The following MARCHF1 variants were observed in gnomAD, a reference collection of about 807,000 sequenced individuals.
MARCHF1 encodes membrane associated ring-CH-type finger 1, also known as E3 ubiquitin-protein ligase MARCHF1.
MARCHF1 carries 40 observed loss-of-function variants against 54.2 expected under a neutral mutation model. That is an observed-to-expected ratio of 0.74 (90% CI 0.57 to 0.96). The LOEUF (loss-of-function observed/expected upper bound fraction) is 0.96, where lower values mean the gene tolerates loss of function less well. MARCHF1 is among the 40% of genes least tolerant of loss of function. The pLI is 0.00. For missense variants in MARCHF1, 586 were observed against 656.5 expected (o/e 0.89, Z 1.17); for synonymous variants, 236 against 236.3 (o/e 1.00, Z 0.01).
At chr4:163,691,466 G>T (rs1013645078) in intron 5 of MARCHF1, among the ~76,000 whole-genome samples, 2 of 152,136 alleles carry the variant, frequency 1.3e-5, no homozygotes, top group Non-Finnish European at 2.9e-5. Context: ...GGCTGTAAGT[G>T]GAGAAATATA....
intron 2 of MARCHF1, among the ~76,000 whole-genome samples, chr4:164,077,090 G>C (rs1256778642): frequency 6.6e-6 from 1 of 152,068 alleles, no homozygotes; most frequent in Admixed American, 6.6e-5. Flanking sequence ...TAAGGAAAAA[G>C]AACAAAGCTG....
At chr4:164,003,038 G>A (rs543965198) in intron 2 of MARCHF1, among the ~76,000 whole-genome samples, 3 of 151,940 alleles carry the variant, frequency 2.0e-5, no homozygotes, top group African/African-American at 7.2e-5. Flanking sequence ...TATTCAGGCA[G>A]AAGGAAAGAA....
chr4:163,765,642 G>T (rs1039321875), intron 4 of MARCHF1, among the ~76,000 whole-genome samples: 1 of 151,760 alleles, frequency 6.6e-6, no homozygotes, highest in Admixed American at 6.6e-5. Context: ...TACGTATGTA[G>T]ACCTTATTTT....
chr4:163,744,158 A>G (rs1023944517), intron 4 of MARCHF1, among the ~76,000 whole-genome samples: 1 of 152,208 alleles, frequency 6.6e-6, no homozygotes, highest in Non-Finnish European at 1.5e-5. Flanking sequence ...TGATCAATTT[A>G]TTACTGTGTG....
At chr4:163,721,262 T>A (rs184969746) in intron 4 of MARCHF1, among the ~76,000 whole-genome samples, 21 of 152,300 alleles carry the variant, frequency 1.4e-4, no homozygotes, top group African/African-American at 5.1e-4. Flanking sequence ...TTGTCAAAGG[T>A]CTTCTCTGCA....
At chr4:163,666,953 T>C (rs946971206) in intron 5 of MARCHF1, among the ~76,000 whole-genome samples, 12 of 152,130 alleles carry the variant, frequency 7.9e-5, no homozygotes, top group African/African-American at 2.7e-4. Flanking sequence ...TAATCTTCTA[T>C]CTATACCCTG....
In MARCHF1 at chr4:163,632,654, G is replaced by A. The variant is rs535234606; in HGVS notation, c.163-19261C>T. Among the ~76,000 whole-genome samples the A allele has an allele frequency of 1.2e-4, 19 of 152,350 alleles. No individual in the cohort carries two copies. The South Asian group carries it at 1.7e-3, about 13-fold the overall frequency. On this transcript the variant is annotated intron_variant, in intron 5 of 9. Transcript: ENST00000514618. ...CAGTCTGAGATCAAACTGCAAGGCG[G>A]CAGCGAGGCTGGGGGAGGGGCGCCC...
intron 2 of MARCHF1, among the ~76,000 whole-genome samples, chr4:164,026,665 G>A (rs1753774353): frequency 6.6e-6 from 1 of 152,046 alleles, no homozygotes; most frequent in Non-Finnish European, 1.5e-5. Flanking sequence ...CATTCTCCTT[G>A]AAAACTGGAA....
chr4:164,139,721 C>CT (rs1756481123), intron 1 of MARCHF1, among the ~76,000 whole-genome samples: 1 of 152,040 alleles, frequency 6.6e-6, no homozygotes, highest in African/African-American at 2.4e-5. Context: ...TTCGAAGATA[C>CT]TTTAAGCGGA....
At chr4:164,286,728 T>C (rs1187117298) in intron 1 of MARCHF1, among the ~76,000 whole-genome samples, 1 of 149,090 alleles carries the variant, frequency 6.7e-6, no homozygotes, top group Admixed American at 6.7e-5. Flanking sequence ...TTTATATTTT[T>C]ATATAATAAA....
intron 3 of MARCHF1, among the ~76,000 whole-genome samples, chr4:163,920,198 G>A (rs755043393): frequency 5.9e-5 from 9 of 152,180 alleles, no homozygotes; most frequent in Non-Finnish European, 1.2e-4. Flanking sequence ...AGTTAGAAAT[G>A]ATCTGAGGTC....
At chr4:164,264,124 A>T (rs1193798783) in intron 1 of MARCHF1, among the ~76,000 whole-genome samples, 1 of 152,246 alleles carries the variant, frequency 6.6e-6, no homozygotes, top group Non-Finnish European at 1.5e-5. Context: ...TGGATAAAGA[A>T]AATGTGGTAC....
chr4:163,672,077 C>T (rs1218129087), intron 5 of MARCHF1, among the ~76,000 whole-genome samples: 1 of 152,120 alleles, frequency 6.6e-6, no homozygotes, highest in Non-Finnish European at 1.5e-5. Context: ...AGTGCAGGCT[C>T]AGGGGTCTGA....
At chr4:163,951,951 C>G (rs1297062844) in intron 3 of MARCHF1, among the ~76,000 whole-genome samples, 1 of 152,110 alleles carries the variant, frequency 6.6e-6, no homozygotes, top group East Asian at 1.9e-4. Context: ...ATTATAAAAG[C>G]ACCCGTGTTT....
intron 1 of MARCHF1, among the ~76,000 whole-genome samples, chr4:164,367,962 T>C (rs764628072): frequency 2.2e-4 from 33 of 151,894 alleles, no homozygotes; most frequent in African/African-American, 7.2e-4. Context: ...AAGTAGTATA[T>C]AGTGTGAAAA....
intron 1 of MARCHF1, among the ~76,000 whole-genome samples, chr4:164,117,757 G>A (rs1755967838): frequency 6.6e-6 from 1 of 151,880 alleles, no homozygotes; most frequent in African/African-American, 2.4e-5. Flanking sequence ...AAAATTAGGT[G>A]GGCATGATGG....
At chr4:163,852,998 C>G (rs1749681006) in intron 4 of MARCHF1, among the ~76,000 whole-genome samples, 1 of 152,086 alleles carries the variant, frequency 6.6e-6, no homozygotes, top group Admixed American at 6.6e-5. Context: ...GAGAAGGCAC[C>G]ATCTATGAAT....
At chr4:164,004,906 T>G (rs1255876473) in intron 2 of MARCHF1, among the ~76,000 whole-genome samples, 1 of 151,090 alleles carries the variant, frequency 6.6e-6, no homozygotes, top group Non-Finnish European at 1.5e-5. Flanking sequence ...GGTCTAAAAG[T>G]GATGATATAA....
chr4:164,027,814 G>A (rs981838773), intron 2 of MARCHF1, among the ~76,000 whole-genome samples: 26 of 152,192 alleles, frequency 1.7e-4, no homozygotes, highest in Non-Finnish European at 2.2e-4. Context: ...CCTACAGAAT[G>A]AGAGAAAATA....
Sources: allele counts gnomAD v4.1 joint callset (sites outside exome capture counted in the v4.1 genomes callset), GRCh38; gene constraint gnomAD v4.1.1; transcripts MANE v1.5; gene names NCBI Gene and HGNC (gene_info 2026-07-23, HGNC 2026-07-21).